IL3RA: variants seen among roughly 807,000 people sequenced by gnomAD.
IL3RA encodes the protein interleukin-3 receptor subunit alpha.
Under a neutral mutation model 52.3 loss-of-function variants are expected in IL3RA, and 73 were observed. The observed-to-expected ratio is 1.40, with a 90% CI of 1.16 to 1.70. IL3RA has a LOEUF of 1.70. IL3RA is among the 40% of genes most tolerant of loss of function. The pLI is 0.00. For synonymous variants in IL3RA, 260 were observed against 194.0 expected (o/e 1.34, Z -2.83); for missense variants, 664 against 504.4 (o/e 1.32, Z -3.03).
chrX:1,348,321 C>A (rs1458676178), intron 3 of IL3RA, 110 bp from the exon 4 acceptor site: 2 of 842,390 alleles, frequency 2.4e-6, no homozygotes, highest in Admixed American at 3.5e-5. Context: ...CCACTGCACT[C>A]CAGCGTGGGC....
At chrX:1,340,577 T>C (rs763916308) in intron 1 of IL3RA, among the ~76,000 whole-genome samples, 1 of 151,694 alleles carries the variant, frequency 6.6e-6, no homozygotes, top group Non-Finnish European at 1.5e-5. Context: ...TACAGACTCA[T>C]GCATGTATAT....
At chrX:1,347,454 A>G (rs1318680147) in intron 3 of IL3RA, among the ~76,000 whole-genome samples, 6 of 151,552 alleles carry the variant, frequency 4.0e-5, no homozygotes, top group East Asian at 3.9e-4. Context: ...CAAAAAAACA[A>G]AAACAAAAGC....
intron 10 of IL3RA, among the ~76,000 whole-genome samples, 157 bp downstream of exon 10, chrX:1,378,921 C>T (rs1192685501): frequency 6.6e-6 from 1 of 152,212 alleles, no homozygotes; most frequent in African/African-American, 2.4e-5. Context: ...GGGCTCACTG[C>T]AGCCTCTGCC....
chrX:1,348,096 C>G (rs1468876135), intron 3 of IL3RA, among the ~76,000 whole-genome samples: 3 of 150,318 alleles, frequency 2.0e-5, no homozygotes, highest in African/African-American at 7.4e-5. Flanking sequence ...CCTGTAATCC[C>G]AGCACTTTGG....
chrX:1,342,147 T>C (rs1387618890), intron 2 of IL3RA, among the ~76,000 whole-genome samples: 1 of 152,020 alleles, frequency 6.6e-6, no homozygotes, highest in African/African-American at 2.4e-5. Context: ...CTTCATTGTT[T>C]ATCTTACTTT....
intron 7 of IL3RA, 141 bp downstream of exon 7, chrX:1,356,477 C>CAA (rs1242367996): frequency 1.6e-6 from 1 of 635,352 alleles, no homozygotes; most frequent in South Asian, 2.0e-5. Context: ...AAAACAAAAA[C>CAA]AAAAACAAAA....
intron 7 of IL3RA, among the ~76,000 whole-genome samples, chrX:1,357,808 T>A (rs1351080296): frequency 6.6e-6 from 1 of 150,916 alleles, no homozygotes; most frequent in African/African-American, 2.4e-5. Context: ...TTTTTTTTTT[T>A]AAGAAAATAA....
chrX:1,348,564 G>C lies in IL3RA; in HGVS notation c.298+19G>C, dbSNP rs777397254. 4.4e-6 allele frequency: 7 copies of C among 1,578,274 alleles called. No individual in the cohort carries two copies. The highest frequency in any genetic ancestry group is 1.7e-5 in the Admixed American group (1 of 59,892). On this transcript the variant is annotated intron_variant, in intron 4 of 11. Coordinates refer to ENST00000331035, the MANE Select transcript of IL3RA (RefSeq NM_002183.4). ...GAGAACAGTGAGAAAAATGTTCATT[G>C]TTTGTTTATTCTCTATTCCCTCCCT...
chrX:1,343,825 T>C (rs2085599211), intron 2 of IL3RA, among the ~76,000 whole-genome samples: 1 of 147,558 alleles, frequency 6.8e-6, no homozygotes, highest in African/African-American at 2.5e-5. Context: ...AGATGGAGTC[T>C]CGCTCTGTTA....
chrX:1,368,309 G>A (rs2088334138), intron 9 of IL3RA, among the ~76,000 whole-genome samples: 1 of 152,084 alleles, frequency 6.6e-6, no homozygotes, highest in Admixed American at 6.6e-5. Flanking sequence ...TTCTGGCCGG[G>A]CACGGTGACT....
chrX:1,348,208 C>G lies in IL3RA; in HGVS notation c.184-223C>G, dbSNP rs1344880561. On this transcript the variant is annotated intron_variant, in intron 3 of 11. Coordinates refer to ENST00000331035, the MANE Select transcript of IL3RA (RefSeq NM_002183.4). ...CCCAGAAAAATACTTTAAAAATTAG[C>G]TGGGCGTGGTGGCGGGCACCTGTAA... is the stretch of plus-strand genomic sequence containing the variant. Among the ~76,000 whole-genome samples the G allele has an allele frequency of 3.0e-4, 45 of 150,740 alleles. 3 individuals are homozygous for G. The highest frequency in any genetic ancestry group is 1.1e-3 in the African/African-American group (43 of 40,772).
chrX:1,370,789 G>A (rs2088529548), intron 9 of IL3RA, among the ~76,000 whole-genome samples: 1 of 77,108 alleles, frequency 1.3e-5, no homozygotes, highest in Non-Finnish European at 2.4e-5. Context: ...ACACAGAGAG[G>A]GACGACCCTG....
At chrX:1,364,789 C>CA (rs1556635661) in intron 8 of IL3RA, among the ~76,000 whole-genome samples, 3 of 143,348 alleles carry the variant, frequency 2.1e-5, no homozygotes, top group Non-Finnish European at 3.0e-5. Context: ...CTCTTTTCTT[C>CA]TTTTATTTAT....
intron 8 of IL3RA, among the ~76,000 whole-genome samples, chrX:1,362,192 GTCTC>G (rs1350533919): frequency 6.1e-5 from 9 of 146,602 alleles, no homozygotes; most frequent in Non-Finnish European, 8.9e-5. Context: ...ATGTCTTTCT[GTCTC>G]TCCGTTTCTG....
chrX:1,348,222 G>A (rs376654401), intron 3 of IL3RA, among the ~76,000 whole-genome samples: 70 of 148,226 alleles, frequency 4.7e-4, no homozygotes, highest in East Asian at 8.0e-4. Context: ...GCGTGGTGGC[G>A]GGCACCTGTA....
intron 9 of IL3RA, among the ~76,000 whole-genome samples, chrX:1,368,065 C>CCGGCTAACA (rs1479205358): frequency 6.6e-6 from 1 of 152,022 alleles, no homozygotes; most frequent in Non-Finnish European, 1.5e-5. Flanking sequence ...CGAGACCATC[C>CCGGCTAACA]CGGCTAACAC....
intron 8 of IL3RA, among the ~76,000 whole-genome samples, chrX:1,363,561 T>G (rs1357893105): frequency 1.3e-4 from 19 of 150,882 alleles, no homozygotes; most frequent in African/African-American, 4.1e-4. Flanking sequence ...GTGCTGGGAT[T>G]ACAGGCGTGA....
In IL3RA at chrX:1,367,701, C is replaced by G. The variant is rs868607154; in HGVS notation, c.874+2449C>G. ...GGTGAGCGGGGTGCGCGGGGTGAGC[C>G]GGGTGCGCGGGGTGAGCGGGGTGCG... On this transcript the variant is annotated intron_variant, in intron 9 of 11. Coordinates refer to ENST00000331035, the MANE Select transcript of IL3RA (RefSeq NM_002183.4). Among the ~76,000 whole-genome samples the G allele has an allele frequency of 4.6e-3, 162 of 35,072 alleles. 2 individuals are homozygous for G. Among genetic ancestry groups the G allele is most frequent in the African/African-American group, 0.015 (110 of 7,358 alleles). 23.0% of individuals were successfully genotyped at this position (35,072 alleles called of 152,430 possible).
At position 1,356,262 on chromosome X, in the gene IL3RA, ACACATTCCTTTATG is replaced by A; in HGVS notation, c.662_675del (p.His221LeufsTer14). On this transcript the variant is annotated frameshift_variant, in exon 7 of 12. Coordinates refer to ENST00000331035, the MANE Select transcript of IL3RA (RefSeq NM_002183.4). LOFTEE classifies it high-confidence loss of function. The stretch of plus-strand genomic sequence containing the variant: ...CAACATGACTGCAAAGTGTAATAAG[ACACATTCCTTTATG>A]CACTGGAAAATGAGAAGTCATTTCA... 1 of 1,613,642 alleles carries A rather than the reference ACACATTCCTTTATG, an allele frequency of 6.2e-7. No homozygotes were observed. The highest frequency in any genetic ancestry group is 8.5e-7 in the Non-Finnish European group (1 of 1,179,670).
Sources: allele counts gnomAD v4.1 joint callset (sites outside exome capture counted in the v4.1 genomes callset), GRCh38; gene constraint gnomAD v4.1.1; transcripts MANE v1.5; gene names NCBI Gene and HGNC (gene_info 2026-07-23, HGNC 2026-07-21).